CFAP47: variants seen among roughly 807,000 people sequenced by gnomAD.
CFAP47 encodes the protein cilia- and flagella-associated protein 47.
A neutral mutation model predicts 148.1 loss-of-function variants in CFAP47; 29 were observed. That is an observed-to-expected ratio of 0.20 (90% CI 0.15 to 0.27). CFAP47 has a LOEUF of 0.27. CFAP47 is among the 10% of genes least tolerant of loss of function. The probability of loss-of-function intolerance (pLI) is 1.00; values close to 1 mark genes in which losing one functional copy is unlikely to be tolerated. For synonymous variants in CFAP47, 664 were observed against 577.3 expected (o/e 1.15, Z -2.15); for missense variants, 1,872 against 1,697.5 (o/e 1.10, Z -1.81).
intron 19 of CFAP47, 122 bp downstream of exon 19, chrX:35,997,511 T>A: frequency 4.1e-6 from 1 of 246,659 alleles, no homozygotes; most frequent in Non-Finnish European, 7.2e-6. Flanking sequence ...TAAAAATTAC[T>A]ATATACAAAG....
rs191648388 is a variant in CFAP47, at chrX:36,236,088, C to G, written c.7158+11C>G. On this transcript the variant is annotated intron_variant, in intron 47 of 63. Transcript: ENST00000378653. The stretch of plus-strand genomic sequence containing the variant: ...GAATGTGTCATTACGGTATGAACTC[C>G]TTGATATTTTCCCCAGTATTAATTA... The G allele has an allele frequency of 3.7e-5, 17 of 457,138 alleles. No homozygotes were observed. The East Asian group carries it at 5.9e-4, about 16-fold the overall frequency. The allele number at this position is 457,138 out of a possible 1,213,427, so 37.7% of individuals were successfully genotyped here. A position where few individuals can be genotyped will look rare whatever the true frequency, so the allele number is the denominator to read the frequency against.
intron 21 of CFAP47, among the ~76,000 whole-genome samples, chrX:36,007,854 T>C (rs765373931): frequency 1.3e-4 from 15 of 111,699 alleles, no homozygotes; most frequent in Non-Finnish European, 2.1e-4. Flanking sequence ...AAATTGTATG[T>C]TTCAGGAGGG....
At chrX:35,958,424 T>C (rs1409565705) in intron 8 of CFAP47, among the ~76,000 whole-genome samples, 1 of 111,427 alleles carries the variant, frequency 9.0e-6, no homozygotes, top group East Asian at 2.8e-4. Flanking sequence ...ATATGAAAAC[T>C]CTATGTTTAA....
intron 25 of CFAP47, among the ~76,000 whole-genome samples, chrX:36,041,874 C>T (rs1391711244): frequency 2.0e-5 from 2 of 99,472 alleles, no homozygotes; most frequent in African/African-American, 3.8e-5. Context: ...TGCAGTGAGC[C>T]GAAATTGCGC....
At chrX:36,110,953 T>C (rs1938545532) in intron 33 of CFAP47, among the ~76,000 whole-genome samples, 1 of 112,134 alleles carries the variant, frequency 8.9e-6, no homozygotes, top group Non-Finnish European at 1.9e-5. Context: ...TATGTTCCTT[T>C]TGTGTCTTGA....
chrX:36,011,487 A>G (rs1937038102), intron 21 of CFAP47, among the ~76,000 whole-genome samples: 1 of 111,854 alleles, frequency 8.9e-6, no homozygotes, highest in African/African-American at 3.3e-5. Context: ...GACTTTAGGT[A>G]GCGTTTGCAT....
intron 2 of CFAP47, among the ~76,000 whole-genome samples, chrX:35,930,660 T>C (rs772091083): frequency 4.5e-5 from 5 of 111,671 alleles, no homozygotes; most frequent in Non-Finnish European, 9.4e-5. Flanking sequence ...TATTATTATG[T>C]TGTTACTGTA....
chrX:35,920,034 C>G lies in CFAP47; in HGVS notation c.235C>G (p.Pro79Ala), dbSNP rs188039131. 1 of 1,187,577 alleles carries G rather than the reference C, an allele frequency of 8.4e-7. No individual in the cohort carries two copies. The highest frequency in any genetic ancestry group is 3.0e-5 in the East Asian group (1 of 33,368). ...GAACCAGAAAATCCGATTTAAGGAG[C>G]CCGTCAAGCCACAGGTGACACACTA... ...RWNQKIRFKE[P>A]VKPQFKLMLT... Residue 79 changes from proline to alanine, a missense_variant, in exon 1 of 64, where the codon CCC (proline) becomes GCC (alanine). Coordinates refer to ENST00000378653, the MANE Select transcript of CFAP47 (RefSeq NM_001304548.2).
chrX:35,949,521 G>C (rs369865406), intron 4 of CFAP47, among the ~76,000 whole-genome samples: 1 of 111,669 alleles, frequency 9.0e-6, no homozygotes, highest in East Asian at 2.8e-4. Context: ...ACTAGATTTG[G>C]TGACTGATTG....
At chrX:35,920,672 C>T (rs1238443621) in intron 1 of CFAP47, among the ~76,000 whole-genome samples, 1 of 111,413 alleles carries the variant, frequency 9.0e-6, no homozygotes, top group Non-Finnish European at 1.9e-5. Context: ...CTCTGTATCT[C>T]ACTGTGTTAT....
At chrX:36,170,175 G>C (rs1350233249) in intron 39 of CFAP47, among the ~76,000 whole-genome samples, 3 of 111,786 alleles carry the variant, frequency 2.7e-5, no homozygotes, top group African/African-American at 9.8e-5. Context: ...CTACTCCTGA[G>C]ATTGTTGCAT....
At chrX:36,171,788 T>G (rs1243937283) in intron 39 of CFAP47, among the ~76,000 whole-genome samples, 1 of 111,676 alleles carries the variant, frequency 9.0e-6, no homozygotes, top group Non-Finnish European at 1.9e-5. Context: ...CGGGCTATTT[T>G]TTGGTTCCTT....
chrX:36,215,322 G>A (rs1940147521), intron 45 of CFAP47, among the ~76,000 whole-genome samples: 1 of 111,416 alleles, frequency 9.0e-6, no homozygotes, highest in South Asian at 3.8e-4. Flanking sequence ...TCCTGTTCCT[G>A]TTTGCTAAAC....
intron 59 of CFAP47, among the ~76,000 whole-genome samples, chrX:36,351,485 C>T (rs1941742498): frequency 9.0e-6 from 1 of 111,636 alleles, no homozygotes; most frequent in South Asian, 3.7e-4. Flanking sequence ...GCTAATAATA[C>T]TGTTGCTCAT....
At chrX:36,233,807 C>G (rs1940408693) in intron 46 of CFAP47, among the ~76,000 whole-genome samples, 1 of 110,345 alleles carries the variant, frequency 9.1e-6, no homozygotes, top group Admixed American at 9.7e-5. Flanking sequence ...TAGGGCAGGC[C>G]TGGTGGTGAC....
chrX:36,343,016 T>C (rs971908019), intron 57 of CFAP47, among the ~76,000 whole-genome samples: 2 of 111,196 alleles, frequency 1.8e-5, no homozygotes, highest in Non-Finnish European at 3.8e-5. Flanking sequence ...CCTGTGTCCA[T>C]ATGTTCTCAT....
At chrX:36,233,836 C>T (rs1417391476) in intron 46 of CFAP47, among the ~76,000 whole-genome samples, 1 of 110,665 alleles carries the variant, frequency 9.0e-6, no homozygotes, top group Non-Finnish European at 1.9e-5. Context: ...TCAGCATTTG[C>T]TTGTCTGTAA....
At chrX:36,178,556 GA>G (rs1293115704) in intron 39 of CFAP47, among the ~76,000 whole-genome samples, 3 of 110,843 alleles carry the variant, frequency 2.7e-5, no homozygotes, top group Non-Finnish European at 5.7e-5. Context: ...AGCATTTTGG[GA>G]TCTCAATAAC....
At chrX:36,377,978 A>C (rs1285426068) in intron 62 of CFAP47, among the ~76,000 whole-genome samples, 1 of 111,861 alleles carries the variant, frequency 8.9e-6, no homozygotes, top group Non-Finnish European at 1.9e-5. Context: ...CCATGTTCTC[A>C]AACCTTCTGT....
Sources: gnomAD v4.1 joint callset for allele counts (sites outside exome capture counted in the v4.1 genomes callset) on GRCh38, gnomAD v4.1.1 for gene constraint, MANE v1.5 for transcripts, NCBI Gene and HGNC (gene_info 2026-07-23, HGNC 2026-07-21) for gene names.